TAF1B: variants seen among roughly 807,000 people sequenced by gnomAD.
TAF1B encodes the protein TATA box-binding protein-associated factor RNA polymerase I subunit B.
TAF1B carries 61 observed loss-of-function variants against 83.9 expected under a neutral mutation model. That is an observed-to-expected ratio of 0.73 (90% CI 0.59 to 0.90). The LOEUF (loss-of-function observed/expected upper bound fraction) is 0.90. Among genes scored for constraint, TAF1B ranks in the 40% least tolerant of loss-of-function variants. The pLI is 0.00. For synonymous variants in TAF1B, 221 were observed against 224.6 expected, an observed-to-expected ratio of 0.98 and a Z score of 0.14; for missense variants, 625 against 677.0, an observed-to-expected ratio of 0.92 and a Z score of 0.85.
At chr2:9,891,093 A>G (rs1417272652) in intron 8 of TAF1B, among the ~76,000 whole-genome samples, 3 of 152,236 alleles carry the variant, frequency 2.0e-5, no homozygotes, top group Non-Finnish European at 4.4e-5. Flanking sequence ...TTTAAATTAT[A>G]CAATACAGTC....
At position 9,933,925 on chromosome 2, in the gene TAF1B, G is replaced by A. The variant is rs759464643; in HGVS notation, c.1708G>A (p.Glu570Lys). Reference protein sequence around the residue: ...EVSLVEKKLFEKKYSVKRKKS... With the variant: ...EVSLVEKKLFKKKYSVKRKKS... The stretch of plus-strand genomic sequence containing the variant: ...GAGCTTAGTTGAGAAGAAACTTTTT[G>A]AGAAAAAATACAGTGTAAAAAGAAA... The change falls in exon 15 of 15, where the codon GAG becomes AAG. Residue 570 changes from glutamate (E) to lysine (K), a missense_variant. Coordinates refer to ENST00000263663, the MANE Select transcript of TAF1B (RefSeq NM_005680.3). 3 of 1,612,906 alleles carry A rather than the reference G, an allele frequency of 1.9e-6. No homozygotes were observed. Among genetic ancestry groups the A allele is most frequent in the Non-Finnish European group, 2.5e-6 (3 of 1,179,662 alleles).
chr2:9,881,286 T>C (rs1004488782), intron 7 of TAF1B, among the ~76,000 whole-genome samples: 2 of 151,756 alleles, frequency 1.3e-5, no homozygotes, highest in South Asian at 2.1e-4. Context: ...TGCAGTGAGC[T>C]GAGATCATGC....
intron 3 of TAF1B, among the ~76,000 whole-genome samples, chr2:9,849,754 C>T (rs1353244945): frequency 6.6e-6 from 1 of 152,094 alleles, no homozygotes; most frequent in Non-Finnish European, 1.5e-5. Flanking sequence ...GAATTTTGAA[C>T]ACACCTTTTT....
At position 9,920,156 on chromosome 2, in the gene TAF1B, C is replaced by T. The variant is rs1222786278; in HGVS notation, c.1565+336C>T. On this transcript the variant is annotated intron_variant, in intron 14 of 14. Coordinates refer to ENST00000263663, the MANE Select transcript of TAF1B (RefSeq NM_005680.3). The stretch of plus-strand genomic sequence containing the variant: ...TTACCTTTATCATGTCTTTCTACCT[C>T]TTAATACTTCCTTAAGTATTTCCTA... Among the ~76,000 whole-genome samples, 3 of 152,300 alleles carry T rather than the reference C, an allele frequency of 2.0e-5. No individual in the cohort carries two copies. The East Asian group carries it at 5.8e-4, about 29-fold the overall frequency.
rs1665583991 is a variant in TAF1B at position 9,913,167 on chromosome 2, T to C, written c.1189T>C (p.Trp397Arg). The C allele has an allele frequency of 6.2e-7, 1 of 1,606,478 alleles. No homozygotes were observed. The highest frequency in any genetic ancestry group is 1.7e-5 in the Admixed American group (1 of 58,266). ...HNEKNKKDKPWFDFRKWYQIM... is the reference protein window; with the variant it reads ...HNEKNKKDKPRFDFRKWYQIM... ...GATTTTATTTCTTTCAGATAAGCCATGGTTTGATTTCAGAAAGTGGTACCA... is the reference window on the plus strand; with the variant it reads ...GATTTTATTTCTTTCAGATAAGCCACGGTTTGATTTCAGAAAGTGGTACCA... Residue 397 changes from tryptophan to arginine, a missense_variant, in exon 12 of 15, where the codon TGG becomes CGG. Trp to Arg is a moderately radical substitution (Grantham distance 101). Coordinates refer to ENST00000263663, the MANE Select transcript of TAF1B (RefSeq NM_005680.3).
At chr2:9,865,474 A>G (rs1352781281) in intron 5 of TAF1B, among the ~76,000 whole-genome samples, 2 of 152,084 alleles carry the variant, frequency 1.3e-5, no homozygotes, top group African/African-American at 2.4e-5. Flanking sequence ...TTCCATGCTC[A>G]TGGGTAGGAA....
chr2:9,898,012 G>C (rs1012014116), intron 8 of TAF1B, among the ~76,000 whole-genome samples: 5 of 121,680 alleles, frequency 4.1e-5, no homozygotes, highest in African/African-American at 1.3e-4. Context: ...CATCATCTCA[G>C]CCTCACTGGA....
intron 12 of TAF1B, among the ~76,000 whole-genome samples, chr2:9,917,247 T>C (rs1267091377): frequency 2.0e-5 from 3 of 152,236 alleles, no homozygotes; most frequent in Non-Finnish European, 4.4e-5. Context: ...ATCAAGTATT[T>C]TTTAAAATTC....
chr2:9,896,620 CAAAAAAA>C (rs71391108), intron 8 of TAF1B, among the ~76,000 whole-genome samples: 18 of 66,538 alleles, frequency 2.7e-4, no homozygotes, highest in Admixed American at 3.9e-4. Flanking sequence ...ATCTAAAAAC[CAAAAAAA>C]AAAAAAAAAA....
At chr2:9,895,237 C>T (rs769910837) in intron 8 of TAF1B, among the ~76,000 whole-genome samples, 4 of 152,234 alleles carry the variant, frequency 2.6e-5, no homozygotes, top group East Asian at 1.9e-4. Context: ...TGGTGGCTTA[C>T]GCCTGTAATC....
At chr2:9,918,085 G>A (rs60115561) in intron 12 of TAF1B, among the ~76,000 whole-genome samples, 1 of 148,724 alleles carries the variant, frequency 6.7e-6, no homozygotes, top group Admixed American at 6.6e-5. Context: ...AAAAAAAAAA[G>A]AAAATGGTGG....
At chr2:9,848,929 G>A (rs1663294175) in intron 2 of TAF1B, among the ~76,000 whole-genome samples, 2 of 152,288 alleles carry the variant, frequency 1.3e-5, no homozygotes, top group Non-Finnish European at 2.9e-5. Flanking sequence ...AATGAAAGCA[G>A]TTTTAGAGTA....
intron 9 of TAF1B, among the ~76,000 whole-genome samples, chr2:9,906,039 G>T (rs938701058): frequency 3.8e-5 from 4 of 104,364 alleles, no homozygotes; most frequent in Non-Finnish European, 8.2e-5. Context: ...TTACTATTTT[G>T]GATTTTTTTT....
intron 5 of TAF1B, among the ~76,000 whole-genome samples, chr2:9,865,766 A>T (rs1348639775): frequency 3.3e-5 from 5 of 151,692 alleles, no homozygotes; most frequent in Admixed American, 2.0e-4. Flanking sequence ...GAACAGAGCC[A>T]TCAGAAATAA....
intron 1 of TAF1B, 168 bp downstream of exon 1, chr2:9,843,727 A>C (rs115657324): frequency 1.5e-6 from 1 of 675,236 alleles, no homozygotes; most frequent in Non-Finnish European, 2.3e-6. Context: ...GGCCGGCCGC[A>C]TGCGCGCGCG....
At chr2:9,918,237 A>G (rs910014799) in intron 12 of TAF1B, among the ~76,000 whole-genome samples, 16 of 152,362 alleles carry the variant, frequency 1.1e-4, no homozygotes, top group Non-Finnish European at 1.9e-4. Context: ...ACACAGAAAT[A>G]ATAAAAATGA....
intron 8 of TAF1B, among the ~76,000 whole-genome samples, chr2:9,902,227 C>CT (rs35648389): frequency 0.015 from 2,100 of 144,222 alleles, 23 homozygotes; most frequent in African/African-American, 0.033. Context: ...ATATATGAAG[C>CT]TTTTTTTTTT....
chr2:9,854,606 T>C (rs1663500301), intron 5 of TAF1B, among the ~76,000 whole-genome samples, 185 bp downstream of exon 5: 2 of 152,244 alleles, frequency 1.3e-5, no homozygotes, highest in South Asian at 4.1e-4. Context: ...TAAAGTTTTT[T>C]CTTCACTTTT....
At chr2:9,862,674 A>G (rs1350912806) in intron 5 of TAF1B, among the ~76,000 whole-genome samples, 1 of 152,210 alleles carries the variant, frequency 6.6e-6, no homozygotes, top group Admixed American at 6.5e-5. Flanking sequence ...GAAGGAAAAC[A>G]TGTTAAGGGC....
Sources: gnomAD v4.1 joint callset for allele counts (sites outside exome capture counted in the v4.1 genomes callset) on GRCh38, gnomAD v4.1.1 for gene constraint, MANE v1.5 for transcripts, NCBI Gene and HGNC (gene_info 2026-07-23, HGNC 2026-07-21) for gene names.